The following CALD1 variants were observed in gnomAD, a reference collection of about 807,000 sequenced individuals.
CALD1 encodes caldesmon 1, also known as caldesmon.
In CALD1, 33 loss-of-function variants were observed where a neutral mutation model predicts 99.9. That is an observed-to-expected ratio of 0.33 (90% CI 0.25 to 0.44). The LOEUF is 0.44. Ranked by LOEUF, CALD1 falls within the 20% of genes least tolerant of loss-of-function variation. The probability of loss-of-function intolerance (pLI) is 1.00; values close to 1 mark genes in which losing one functional copy is unlikely to be tolerated. For missense variants in CALD1, 861 were observed against 962.1 expected (o/e 0.89, Z 1.39); for synonymous variants, 310 against 325.0 (o/e 0.95, Z 0.50).
chr7:134,713,455 G>A, the CALD1 span, among the ~76,000 whole-genome samples: 1 of 152,214 alleles, frequency 6.6e-6, no homozygotes, highest in African/African-American at 2.4e-5. Context: ...CTTGGTGAGT[G>A]AAAGCTGGGG....
chr7:134,744,895 C>T (rs1269483209), intron 1 of CALD1, among the ~76,000 whole-genome samples: 1 of 152,154 alleles, frequency 6.6e-6, no homozygotes, highest in African/African-American at 2.4e-5. Flanking sequence ...TCTCATAGAA[C>T]TTTACTTCCA....
chr7:134,837,032 T>G (rs944308254), intron 1 of CALD1, among the ~76,000 whole-genome samples: 5 of 149,498 alleles, frequency 3.3e-5, no homozygotes, highest in African/African-American at 1.2e-4. Flanking sequence ...GGATAAGATC[T>G]GTTTTTTTTT....
chr7:134,859,153 T>G (rs1026663165), intron 2 of CALD1, among the ~76,000 whole-genome samples: 1 of 152,240 alleles, frequency 6.6e-6, no homozygotes, highest in Non-Finnish European at 1.5e-5. Flanking sequence ...CCTGGCTTTT[T>G]CAGGGATAGG....
intron 1 of CALD1, among the ~76,000 whole-genome samples, chr7:134,773,832 GTTGT>G (rs1303474040): frequency 6.8e-6 from 1 of 146,102 alleles, no homozygotes; most frequent in Admixed American, 6.8e-5. Context: ...GTGTGTTTCT[GTTGT>G]TTGTTATAAT....
intron 3 of CALD1, among the ~76,000 whole-genome samples, chr7:134,882,185 G>C (rs969878242): frequency 6.6e-6 from 1 of 152,170 alleles, no homozygotes; most frequent in Non-Finnish European, 1.5e-5. Context: ...AGCTACTTGT[G>C]AGGGAGGCAG....
chr7:134,929,043 T>C, intron 4 of CALD1, 143 bp downstream of exon 4: 1 of 693,308 alleles, frequency 1.4e-6, no homozygotes, highest in Non-Finnish European at 2.4e-6. Flanking sequence ...GCAGTCATTT[T>C]AGGCAACTAA....
chr7:134,739,863 T>C (rs1008322348), upstream of CALD1, among the ~76,000 whole-genome samples: 6 of 127,920 alleles, frequency 4.7e-5, 1 homozygote, highest in Admixed American at 7.5e-5. Context: ...AAGCCTCAAA[T>C]TGGAGTCCAA....
intron 3 of CALD1, among the ~76,000 whole-genome samples, chr7:134,883,348 C>T (rs1402997090): frequency 6.6e-6 from 1 of 152,042 alleles, no homozygotes; most frequent in Non-Finnish European, 1.5e-5. Flanking sequence ...AAGTGACTGT[C>T]GGCTATTTTT....
At chr7:134,811,781 A>G (rs1294619217) in intron 1 of CALD1, among the ~76,000 whole-genome samples, 15 of 152,226 alleles carry the variant, frequency 9.9e-5, no homozygotes, top group Admixed American at 9.8e-4. Context: ...CCATTTGGAC[A>G]TGTTCTACCC....
intron 2 of CALD1, among the ~76,000 whole-genome samples, chr7:134,864,109 G>A (rs551759359): frequency 7.2e-4 from 110 of 152,196 alleles, no homozygotes; most frequent in African/African-American, 2.4e-3. Context: ...CCAGCACTTT[G>A]GGAGGCCGAG....
At chr7:134,871,046 A>G (rs1426372402) in intron 3 of CALD1, among the ~76,000 whole-genome samples, 1 of 152,084 alleles carries the variant, frequency 6.6e-6, no homozygotes, top group Non-Finnish European at 1.5e-5. Context: ...AGCACATGAG[A>G]CCCTGAGCAA....
At chr7:134,846,403 C>T (rs1799855590) in intron 2 of CALD1, among the ~76,000 whole-genome samples, 1 of 152,156 alleles carries the variant, frequency 6.6e-6, no homozygotes, top group Non-Finnish European at 1.5e-5. Flanking sequence ...GTGGAGGGGC[C>T]AGGCCATGGC....
chr7:134,764,499 A>G (rs1343887251), intron 1 of CALD1, among the ~76,000 whole-genome samples: 6 of 152,258 alleles, frequency 3.9e-5, no homozygotes, highest in South Asian at 2.1e-4. Flanking sequence ...AGAGTAACAC[A>G]TAACAGGCAC....
At chr7:134,797,104 A>G (rs1003462667) in intron 1 of CALD1, among the ~76,000 whole-genome samples, 3 of 151,954 alleles carry the variant, frequency 2.0e-5, no homozygotes, top group Non-Finnish European at 2.9e-5. Context: ...AGCTCACGGT[A>G]GCCTCAGCCT....
chr7:134,894,595 A>G (rs1186002280), intron 3 of CALD1, among the ~76,000 whole-genome samples: 4 of 152,140 alleles, frequency 2.6e-5, no homozygotes, highest in African/African-American at 9.7e-5. Flanking sequence ...CCATCAGATA[A>G]TTTATCTCTG....
chr7:134,902,962 C>G (rs998586212), intron 3 of CALD1, among the ~76,000 whole-genome samples: 1 of 152,000 alleles, frequency 6.6e-6, no homozygotes, highest in African/African-American at 2.4e-5. Flanking sequence ...TGCACCCAGA[C>G]AATAGAATAT....
intron 2 of CALD1, among the ~76,000 whole-genome samples, chr7:134,858,089 T>TA (rs1800395971): frequency 6.6e-6 from 1 of 151,630 alleles, no homozygotes; most frequent in Admixed American, 6.6e-5. Flanking sequence ...TTTTTTTTTT[T>TA]AGCTGAGTAG....
At chr7:134,860,065 C>T (rs1385837270) in intron 2 of CALD1, among the ~76,000 whole-genome samples, 2 of 152,012 alleles carry the variant, frequency 1.3e-5, no homozygotes, top group Non-Finnish European at 2.9e-5. Context: ...TGTTGGATTC[C>T]ATTGATTAGA....
the CALD1 span, among the ~76,000 whole-genome samples, chr7:134,724,217 G>C: frequency 3.3e-5 from 5 of 152,200 alleles, no homozygotes; most frequent in Non-Finnish European, 7.3e-5. Context: ...ATATTTCTCC[G>C]GAGGTGAGAG....
Sources: allele counts gnomAD v4.1 joint callset (sites outside exome capture counted in the v4.1 genomes callset), GRCh38; gene constraint gnomAD v4.1.1; transcripts MANE v1.5; gene names NCBI Gene and HGNC (gene_info 2026-07-23, HGNC 2026-07-21).